PLPP4: variants seen among roughly 807,000 people sequenced by gnomAD.
The protein encoded by PLPP4 is phospholipid phosphatase 4.
Under a neutral mutation model 32.2 loss-of-function variants are expected in PLPP4, and 20 were observed. The ratio of observed to expected loss-of-function variants is 0.62; its 90% CI spans 0.44 to 0.90. PLPP4 has a LOEUF of 0.90. Among genes scored for constraint, PLPP4 ranks in the 40% least tolerant of loss-of-function variants. PLPP4 has a pLI of 0.00. For missense variants in PLPP4, 257 were observed against 353.1 expected (o/e 0.73, Z 2.18); for synonymous variants, 127 against 133.0 (o/e 0.95, Z 0.31).
rs547513659 is a variant in PLPP4 at position 120,514,786 on chromosome 10, T to C, written c.256+785T>C. Among the ~76,000 whole-genome samples the C allele has an allele frequency of 3.3e-5, 5 of 152,246 alleles. No individual in the cohort carries two copies. In the South Asian group the frequency reaches 1.0e-3, roughly 32 times the overall value. ...CTTTTTGACCGTGAGAAAAACCAAA[T>C]CAGGTTGATTTTTTCTTTTTTTGAC... On this transcript the variant is annotated intron_variant, in intron 3 of 6. Transcript: ENST00000398250.
chr10:120,574,280 A>G (rs965954165), intron 5 of PLPP4, among the ~76,000 whole-genome samples: 1 of 143,594 alleles, frequency 7.0e-6, no homozygotes, highest in African/African-American at 2.6e-5. Flanking sequence ...GGGTATCAGT[A>G]TTTTTTAAAG....
intron 5 of PLPP4, among the ~76,000 whole-genome samples, chr10:120,522,929 A>G (rs1294012304): frequency 6.6e-6 from 1 of 152,252 alleles, no homozygotes; most frequent in Admixed American, 6.5e-5. Flanking sequence ...GGCAGATGCA[A>G]TTAAGTTCAG....
intron 5 of PLPP4, among the ~76,000 whole-genome samples, chr10:120,564,504 T>C (rs1848596031): frequency 1.3e-5 from 2 of 151,892 alleles, no homozygotes; most frequent in African/African-American, 4.8e-5. Context: ...TCAGATCTTA[T>C]ATGTCCTATC....
At chr10:120,581,662 G>C (rs1291837650) in intron 6 of PLPP4, among the ~76,000 whole-genome samples, 2 of 152,160 alleles carry the variant, frequency 1.3e-5, no homozygotes, top group Middle Eastern at 3.4e-3. Flanking sequence ...CTTTCCACAG[G>C]CTCCACCTTG....
intron 2 of PLPP4, among the ~76,000 whole-genome samples, chr10:120,510,474 T>C (rs1245720681): frequency 6.6e-6 from 1 of 152,156 alleles, no homozygotes; most frequent in Non-Finnish European, 1.5e-5. Flanking sequence ...CCTCTGCCCA[T>C]GTGTGGAGGT....
intron 6 of PLPP4, among the ~76,000 whole-genome samples, chr10:120,577,885 G>A (rs567463142): frequency 3.9e-5 from 6 of 152,146 alleles, no homozygotes; most frequent in African/African-American, 9.7e-5. Context: ...GCTATCTGCC[G>A]CTGTCCACAC....
At chr10:120,476,610 C>A (rs762917952) in intron 1 of PLPP4, among the ~76,000 whole-genome samples, 1 of 152,080 alleles carries the variant, frequency 6.6e-6, no homozygotes, top group Non-Finnish European at 1.5e-5. Flanking sequence ...CCGCCCACTG[C>A]GGGTCATAAC....
chr10:120,526,950 G>A (rs117436544), intron 5 of PLPP4, among the ~76,000 whole-genome samples: 7 of 150,296 alleles, frequency 4.7e-5, no homozygotes, highest in Non-Finnish European at 7.4e-5. Context: ...CTGCAAGTCA[G>A]TATCTACTTT....
intron 6 of PLPP4, 134 bp downstream of exon 6, chr10:120,575,435 G>T: frequency 1.0e-6 from 1 of 963,794 alleles, no homozygotes. Context: ...AAATGACAGA[G>T]CGGATAAAAT....
At chr10:120,535,658 G>A (rs1039908388) in intron 5 of PLPP4, among the ~76,000 whole-genome samples, 3 of 152,044 alleles carry the variant, frequency 2.0e-5, no homozygotes, top group African/African-American at 7.2e-5. Flanking sequence ...TTTATGATTA[G>A]CATGTCTTCT....
chr10:120,571,714 G>C (rs1848949346), intron 5 of PLPP4, among the ~76,000 whole-genome samples: 1 of 152,090 alleles, frequency 6.6e-6, no homozygotes, highest in South Asian at 2.1e-4. Flanking sequence ...AAGAGTGTCA[G>C]AAAAATTATG....
intron 1 of PLPP4, among the ~76,000 whole-genome samples, chr10:120,491,636 G>A (rs1844729007): frequency 6.6e-6 from 1 of 152,072 alleles, no homozygotes; most frequent in South Asian, 2.1e-4. Flanking sequence ...ATGGCCAATG[G>A]GCAAAGTTGT....
At chr10:120,560,329 CAA>C (rs35132547) in intron 5 of PLPP4, among the ~76,000 whole-genome samples, 71 of 130,584 alleles carry the variant, frequency 5.4e-4, no homozygotes, top group Admixed American at 7.8e-4. Flanking sequence ...AGGACCATTG[CAA>C]AAAAAAAAAA....
intron 5 of PLPP4, among the ~76,000 whole-genome samples, chr10:120,532,200 T>A (rs1846770979): frequency 6.6e-6 from 1 of 152,156 alleles, no homozygotes; most frequent in Non-Finnish European, 1.5e-5. Context: ...CTAAGAATGA[T>A]GGTTTCCAGC....
chr10:120,486,218 C>T (rs146710191), intron 1 of PLPP4, among the ~76,000 whole-genome samples: 3 of 151,892 alleles, frequency 2.0e-5, no homozygotes, highest in Non-Finnish European at 2.9e-5. Context: ...CGGGCAGCCC[C>T]GTCAACCTCC....
chr10:120,462,912 G>C (rs1160325392), intron 1 of PLPP4, among the ~76,000 whole-genome samples: 2 of 151,772 alleles, frequency 1.3e-5, no homozygotes, highest in African/African-American at 4.8e-5. Flanking sequence ...GGGACTTTTT[G>C]TGTTAAGTGA....
rs35132547 is a variant in PLPP4 at position 120,560,329 on chromosome 10, C to CAA, written c.446-14788_446-14787dup. 7.7e-3 allele frequency among the ~76,000 whole-genome samples: 1,003 copies of CAA among 130,474 alleles called. 10 individuals carry two copies. The highest frequency in any genetic ancestry group is 0.021 in the African/African-American group (713 of 33,236). 85.6% of individuals were successfully genotyped at this position (130,474 alleles called of 152,430 possible). On this transcript the variant is annotated intron_variant, in intron 5 of 6. Coordinates refer to ENST00000398250, the MANE Select transcript of PLPP4 (RefSeq NM_001030059.3). ...AATGAATCGAGCCTAAGGACCATTG[C>CAA]AAAAAAAAAAAAAAAGAAAGAAAAA...
chr10:120,537,847 C>T (rs374634407), intron 5 of PLPP4, among the ~76,000 whole-genome samples: 29 of 151,806 alleles, frequency 1.9e-4, no homozygotes, highest in African/African-American at 6.3e-4. Flanking sequence ...AAGCTGAAAA[C>T]AATTAAAGAT....
At chr10:120,507,405 A>T (rs190387781) in intron 2 of PLPP4, among the ~76,000 whole-genome samples, 1 of 150,120 alleles carries the variant, frequency 6.7e-6, no homozygotes, top group Non-Finnish European at 1.5e-5. Flanking sequence ...ATCATCATCA[A>T]CAACAGTAAA....
Sources: gnomAD v4.1 joint callset for allele counts (sites outside exome capture counted in the v4.1 genomes callset) on GRCh38, gnomAD v4.1.1 for gene constraint, MANE v1.5 for transcripts, NCBI Gene and HGNC (gene_info 2026-07-23, HGNC 2026-07-21) for gene names.